CNOT6L: variants seen among roughly 807,000 people sequenced by gnomAD.
CNOT6L encodes CCR4-NOT transcription complex subunit 6-like.
A neutral mutation model predicts 64.0 loss-of-function variants in CNOT6L; 7 were observed. That is an observed-to-expected ratio of 0.11 (90% CI 0.06 to 0.21). CNOT6L has a LOEUF of 0.21. Ranked by LOEUF, CNOT6L falls within the 10% of genes least tolerant of loss-of-function variation. CNOT6L has a pLI of 1.00. For synonymous variants in CNOT6L, 193 were observed against 243.4 expected, an observed-to-expected ratio of 0.79 and a Z score of 1.93; for missense variants, 245 against 669.0, an observed-to-expected ratio of 0.37 and a Z score of 6.99.
intron 1 of CNOT6L, among the ~76,000 whole-genome samples, chr4:77,795,833 G>T (rs969613615): frequency 6.6e-6 from 1 of 152,018 alleles, no homozygotes; most frequent in East Asian, 1.9e-4. Flanking sequence ...AAAAATTAAA[G>T]AACTAAATAA....
At chr4:77,813,880 G>C (rs1337923882) in intron 1 of CNOT6L, among the ~76,000 whole-genome samples, 1 of 152,116 alleles carries the variant, frequency 6.6e-6, no homozygotes, top group African/African-American at 2.4e-5. Flanking sequence ...ATATGTTCCA[G>C]CAATTCCACT....
chr4:77,752,915 T>A (rs530481771), intron 5 of CNOT6L, among the ~76,000 whole-genome samples: 294 of 151,998 alleles, frequency 1.9e-3, no homozygotes, highest in Non-Finnish European at 3.5e-3. Context: ...AGTTGGTTCT[T>A]CTTTTCAAAG....
chr4:77,717,636 C>T lies in CNOT6L; in HGVS notation c.*2795G>A, dbSNP rs1720887856. On this transcript the variant is annotated 3_prime_UTR_variant, in exon 12 of 12. Coordinates refer to ENST00000504123, the MANE Select transcript of CNOT6L (RefSeq NM_144571.3). ...CATTCACCTCTTCCTTTTGGCTTCT[C>T]ACTGCCAAAGTTCCAAATGGCATGC... 1 of 152,458 alleles carries T rather than the reference C, an allele frequency of 6.6e-6. No individual in the cohort carries two copies. The highest frequency in any genetic ancestry group is 6.6e-5 in the Admixed American group (1 of 15,244). 9.4% of individuals were successfully genotyped at this position (152,458 alleles called of 1,614,324 possible).
chr4:77,725,561 A>G (rs530713728), intron 11 of CNOT6L, among the ~76,000 whole-genome samples: 51 of 152,114 alleles, frequency 3.4e-4, no homozygotes, highest in Admixed American at 3.1e-3. Context: ...TTTTTTTCAT[A>G]TTTGTCAAAA....
intron 8 of CNOT6L, chr4:77,731,769 C>T: frequency 2.7e-6 from 1 of 368,074 alleles, no homozygotes; most frequent in Non-Finnish European, 4.9e-6. Flanking sequence ...ATACCTTGCC[C>T]CTTACAGCTA....
chr4:77,786,242 C>T (rs986596368), intron 1 of CNOT6L, among the ~76,000 whole-genome samples: 1 of 150,996 alleles, frequency 6.6e-6, no homozygotes, highest in Non-Finnish European at 1.5e-5. Flanking sequence ...TATTGCACCA[C>T]TGCACTCCAG....
At chr4:77,740,614 T>C (rs1335856684) in intron 8 of CNOT6L, among the ~76,000 whole-genome samples, 1 of 151,946 alleles carries the variant, frequency 6.6e-6, no homozygotes. Context: ...CCTGTAAGAG[T>C]TGCTTTAAAA....
At chr4:77,788,010 A>C (rs934424711) in intron 1 of CNOT6L, among the ~76,000 whole-genome samples, 1 of 152,236 alleles carries the variant, frequency 6.6e-6, no homozygotes, top group African/African-American at 2.4e-5. Flanking sequence ...CTCCAATACT[A>C]GTATCATAAA....
intron 5 of CNOT6L, among the ~76,000 whole-genome samples, chr4:77,750,159 A>C (rs992262510): frequency 6.6e-6 from 1 of 152,214 alleles, no homozygotes; most frequent in African/African-American, 2.4e-5. Flanking sequence ...TATAGTATAA[A>C]ATTTCTGCTG....
rs1019119732 is a variant in CNOT6L at position 77,818,936 on chromosome 4, C to G, written c.5+368G>C. The stretch of plus-strand genomic sequence containing the variant: ...CTGCCGCGCGTGTGCCGCACTCACT[C>G]AGCCCTCCCCGGCCGGCCCCCTAGG... On this transcript the variant is annotated intron_variant, in intron 1 of 11. Transcript: ENST00000504123. 6.7e-5 allele frequency: 42 copies of G among 628,084 alleles called. No individual in the cohort carries two copies. The African/African-American group carries it at 6.7e-4, about 10-fold the overall frequency. 38.9% of individuals were successfully genotyped at this position (628,084 alleles called of 1,614,324 possible).
chr4:77,758,457 G>A (rs1560593240), intron 4 of CNOT6L, among the ~76,000 whole-genome samples: 4 of 152,174 alleles, frequency 2.6e-5, no homozygotes, highest in Admixed American at 2.0e-4. Flanking sequence ...AATACTATAT[G>A]AAATTGGAGT....
chr4:77,786,691 G>T (rs1290976633), intron 1 of CNOT6L, among the ~76,000 whole-genome samples: 1 of 151,704 alleles, frequency 6.6e-6, no homozygotes, highest in Non-Finnish European at 1.5e-5. Flanking sequence ...TCCCCAGGCT[G>T]GTCTTGAACT....
chr4:77,785,313 TAAAACATCAGAAG>T (rs1729309270), intron 1 of CNOT6L, among the ~76,000 whole-genome samples: 1 of 152,124 alleles, frequency 6.6e-6, no homozygotes, highest in Admixed American at 6.5e-5. Flanking sequence ...CCAATAACTA[TAAAACATCAGAAG>T]AAAACATCAG....
chr4:77,798,701 C>T (rs142197451), intron 1 of CNOT6L, among the ~76,000 whole-genome samples: 104 of 152,132 alleles, frequency 6.8e-4, no homozygotes, highest in Middle Eastern at 3.4e-3. Context: ...AAAAGGTAAA[C>T]AGGCCAGGCA....
chr4:77,802,594 G>C (rs1731719504), intron 1 of CNOT6L, among the ~76,000 whole-genome samples: 1 of 152,070 alleles, frequency 6.6e-6, no homozygotes, highest in African/African-American at 2.4e-5. Flanking sequence ...ATTTTAACTA[G>C]ACTGATAGAA....
chr4:77,749,070 T>C (rs1211099982), intron 5 of CNOT6L, among the ~76,000 whole-genome samples: 1 of 152,190 alleles, frequency 6.6e-6, no homozygotes, highest in Non-Finnish European at 1.5e-5. Context: ...GTTTGCAGAT[T>C]TGCCCATGGC....
chr4:77,793,157 A>C (rs1730361901), intron 1 of CNOT6L, among the ~76,000 whole-genome samples: 1 of 152,086 alleles, frequency 6.6e-6, no homozygotes, highest in African/African-American at 2.4e-5. Context: ...ATGCAAAGAA[A>C]TCATTGTCAG....
intron 4 of CNOT6L, among the ~76,000 whole-genome samples, chr4:77,764,714 C>T (rs914089319): frequency 2.6e-5 from 4 of 152,110 alleles, no homozygotes; most frequent in Non-Finnish European, 5.9e-5. Flanking sequence ...TGTCAGAACT[C>T]GGAATTATGA....
intron 4 of CNOT6L, among the ~76,000 whole-genome samples, chr4:77,761,196 G>A (rs546447878): frequency 3.0e-4 from 46 of 151,896 alleles, no homozygotes; most frequent in Admixed American, 7.9e-4. Flanking sequence ...AAGCAACGAT[G>A]ACCAAAAAAT....
Sources: gnomAD v4.1 joint callset for allele counts (sites outside exome capture counted in the v4.1 genomes callset) on GRCh38, gnomAD v4.1.1 for gene constraint, MANE v1.5 for transcripts, NCBI Gene and HGNC (gene_info 2026-07-23, HGNC 2026-07-21) for gene names.